The following TAAR5 variants were observed in gnomAD, a reference collection of about 807,000 sequenced individuals.
TAAR5 encodes the protein trace amine associated receptor 5.
In TAAR5, 27 loss-of-function variants were observed where a neutral mutation model predicts 21.1. The observed-to-expected ratio is 1.28, with a 90% confidence interval of 0.94 to 1.76. TAAR5 has a LOEUF of 1.76. Among genes scored for constraint, TAAR5 ranks in the 40% most tolerant of loss-of-function variants. The probability of loss-of-function intolerance (pLI) is 0.00; values close to 1 mark genes in which losing one functional copy is unlikely to be tolerated. For synonymous variants in TAAR5, 203 were observed against 167.5 expected, an observed-to-expected ratio of 1.21 and a Z score of -1.64; for missense variants, 495 against 405.6, an observed-to-expected ratio of 1.22 and a Z score of -1.89.
rs745753836 is a variant in TAAR5 at position 132,589,300 on chromosome 6, G to A, written c.387C>T (p.Ser129=). ...LTSIFHLCFI[S]IDRHCAICDP... is the part of the protein sequence containing the mutation. Reference sequence around the variant, plus strand: ...CACAGATGGCACAGTGGCGGTCAATGGAAATGAAACAGAGATGGAAGATGG... The same window carrying A: ...CACAGATGGCACAGTGGCGGTCAATAGAAATGAAACAGAGATGGAAGATGG... Residue 129 remains serine (S), a synonymous_variant, in exon 1 of 1, where the codon TCC becomes TCT. Coordinates refer to ENST00000258034, the MANE Select transcript of TAAR5 (RefSeq NM_003967.3). 3.7e-6 allele frequency: 6 copies of A among 1,613,258 alleles called. No individual in the cohort carries two copies. The South Asian group carries it at 5.5e-5, about 15-fold the overall frequency.
the TAAR5 span, among the ~76,000 whole-genome samples, chr6:132,600,555 T>A: frequency 6.6e-6 from 1 of 152,162 alleles, no homozygotes; most frequent in African/African-American, 2.4e-5. Context: ...TTGCAGGATT[T>A]AATGATTTCT....
chr6:132,605,941 T>C, the TAAR5 span, among the ~76,000 whole-genome samples: 13 of 136,154 alleles, frequency 9.5e-5, no homozygotes, highest in East Asian at 2.3e-3. Context: ...AAGAATGGAA[T>C]AGCATCCTTT....
upstream of TAAR5, among the ~76,000 whole-genome samples, chr6:132,592,841 G>A (rs1776926315): frequency 6.6e-6 from 1 of 151,990 alleles, no homozygotes; most frequent in Non-Finnish European, 1.5e-5. Context: ...GTTACACTTG[G>A]CCTAGCTCTA....
chr6:132,594,602 A>G (rs544836485), upstream of TAAR5: 9 of 152,328 alleles, frequency 5.9e-5, no homozygotes, highest in African/African-American at 2.2e-4. Flanking sequence ...GATCGTCAAG[A>G]CAAAGAAGGG....
upstream of TAAR5, chr6:132,589,755 AAAAAAAAAAAAAAAAAAAAAAT>A: frequency 5.6e-5 from 46 of 819,352 alleles, no homozygotes; most frequent in Middle Eastern, 4.6e-4. Flanking sequence ...AAAAAAAAAA[AAAAAAAAAAAAAAAAAAAAAAT>A]ATGTCTGCTA....
chr6:132,611,410 A>T, the TAAR5 span, among the ~76,000 whole-genome samples: 17 of 152,198 alleles, frequency 1.1e-4, no homozygotes, highest in African/African-American at 3.9e-4. Context: ...CTTATTGTAT[A>T]TTTTAAAATG....
At chr6:132,613,676 T>C in the TAAR5 span, among the ~76,000 whole-genome samples, 1 of 152,192 alleles carries the variant, frequency 6.6e-6, no homozygotes, top group African/African-American at 2.4e-5. Context: ...TTGAAGAGAA[T>C]CTTTGATTGT....
the TAAR5 span, among the ~76,000 whole-genome samples, chr6:132,601,109 AAGG>A: frequency 1.3e-4 from 3 of 22,950 alleles, no homozygotes; most frequent in Admixed American, 4.2e-4. Context: ...AGGAGGGAAG[AAGG>A]GAAGGAGGGA....
At chr6:132,593,946 C>A (rs1776941159), upstream of TAAR5, among the ~76,000 whole-genome samples, 1 of 152,158 alleles carries the variant, frequency 6.6e-6, no homozygotes, top group African/African-American at 2.4e-5. Context: ...CTCAGACTTC[C>A]TGTATGCCCA....
chr6:132,596,404 T>C, the TAAR5 span, among the ~76,000 whole-genome samples: 1 of 152,172 alleles, frequency 6.6e-6, no homozygotes, highest in African/African-American at 2.4e-5. Flanking sequence ...TAAGGCCAAT[T>C]GAAATGGACT....
At chr6:132,609,872 G>A in the TAAR5 span, among the ~76,000 whole-genome samples, 3 of 152,306 alleles carry the variant, frequency 2.0e-5, no homozygotes, top group East Asian at 5.8e-4. Context: ...TGAAAGCCAT[G>A]TACCTATGGG....
chr6:132,614,927 G>A, the TAAR5 span, among the ~76,000 whole-genome samples: 3 of 152,090 alleles, frequency 2.0e-5, no homozygotes, highest in Non-Finnish European at 4.4e-5. Flanking sequence ...ACAGTAGTGC[G>A]ATCTCAGCTC....
At chr6:132,594,295 T>A (rs1253138097), upstream of TAAR5, 12 of 152,042 alleles carry the variant, frequency 7.9e-5, no homozygotes, top group Non-Finnish European at 1.6e-4. Flanking sequence ...ACTGGAAGGA[T>A]CTCCTTATCT....
chr6:132,589,641 A>C lies in TAAR5; in HGVS notation c.46T>G (p.Phe16Val). The change falls in exon 1 of 1, where the codon TTC becomes GTC. Residue 16 changes from phenylalanine (F) to valine (V), a missense_variant. Phe to Val is a conservative substitution (Grantham distance 50). Transcript: ENST00000258034. ...CAAGACCCATTCACCTGGTAGCAGAATGCCGCAGGGTGCTCTTCAGCACCT... is the reference window on the plus strand; with the variant it reads ...CAAGACCCATTCACCTGGTAGCAGACTGCCGCAGGGTGCTCTTCAGCACCT... ...IQGAEEHPAA[F>V]CYQVNGSCPR... 6.2e-7 allele frequency: 1 copy of C among 1,608,254 alleles called. No individual in the cohort carries two copies. The highest frequency in any genetic ancestry group is 8.5e-7 in the Non-Finnish European group (1 of 1,177,138).
the TAAR5 span, among the ~76,000 whole-genome samples, chr6:132,604,949 A>G: frequency 6.6e-6 from 1 of 152,206 alleles, no homozygotes; most frequent in Non-Finnish European, 1.5e-5. Context: ...TGAGAGGATG[A>G]CTGCATGGAG....
chr6:132,601,382 A>G, the TAAR5 span, among the ~76,000 whole-genome samples: 1 of 152,322 alleles, frequency 6.6e-6, no homozygotes, highest in African/African-American at 2.4e-5. Flanking sequence ...ATTTTCTCCC[A>G]CCAGAATGCA....
the TAAR5 span, among the ~76,000 whole-genome samples, chr6:132,602,062 T>C: frequency 6.6e-6 from 1 of 152,112 alleles, no homozygotes; most frequent in African/African-American, 2.4e-5. Context: ...ATTTTCTTTA[T>C]TTTTATTTTT....
the TAAR5 span, among the ~76,000 whole-genome samples, chr6:132,600,905 G>A: frequency 2.4e-5 from 3 of 127,590 alleles, no homozygotes; most frequent in Admixed American, 7.8e-5. Context: ...AGGAGGGAAG[G>A]AGGGAAAGAA....
At chr6:132,613,093 C>A in the TAAR5 span, among the ~76,000 whole-genome samples, 2 of 152,154 alleles carry the variant, frequency 1.3e-5, no homozygotes, top group African/African-American at 4.8e-5. Flanking sequence ...ACTTTCAGAA[C>A]TGGAGAAGTC....
Sources: allele counts gnomAD v4.1 joint callset (sites outside exome capture counted in the v4.1 genomes callset), GRCh38; gene constraint gnomAD v4.1.1; transcripts MANE v1.5; gene names NCBI Gene and HGNC (gene_info 2026-07-23, HGNC 2026-07-21).